The following SBF2 variants were observed in gnomAD, a reference collection of about 807,000 sequenced individuals.
SBF2 encodes myotubularin-related protein 13.
A neutral mutation model predicts 225.2 loss-of-function variants in SBF2; 112 were observed. That is an observed-to-expected ratio of 0.50 (90% CI 0.43 to 0.58). The LOEUF is 0.58. SBF2 is among the 20% of genes least tolerant of loss of function. The pLI, the probability that SBF2 is intolerant of heterozygous loss-of-function variation, is 0.00. For synonymous variants in SBF2, 763 were observed against 773.3 expected (o/e 0.99, Z 0.22); for missense variants, 1,996 against 2,206.2 (o/e 0.90, Z 1.91).
At chr11:10,079,199 T>C (rs759806145) in intron 2 of SBF2, among the ~76,000 whole-genome samples, 3 of 152,148 alleles carry the variant, frequency 2.0e-5, no homozygotes, top group Admixed American at 1.3e-4. Context: ...CGTAATTCTA[T>C]AGCGATGGAG....
rs561325055 is a variant in SBF2 at position 10,143,909 on chromosome 11, C to T, written c.141+49993G>A. Among the ~76,000 whole-genome samples the T allele has an allele frequency of 5.9e-5, 9 of 151,986 alleles. No homozygotes were observed. In the East Asian group the frequency reaches 1.4e-3, roughly 23 times the overall value. On this transcript the variant is annotated intron_variant, in intron 2 of 39. Transcript: ENST00000256190. ...ATTTTTTTTGTATTTTTAGTAGAGA[C>T]GGGGTTTCACCGCATTAGCCAGGAT...
intron 13 of SBF2, among the ~76,000 whole-genome samples, chr11:9,988,878 T>G (rs1157007288): frequency 6.6e-6 from 1 of 152,144 alleles, no homozygotes; most frequent in African/African-American, 2.4e-5. Context: ...GAATTACCAT[T>G]TGATCCAGCA....
At chr11:9,822,258 C>CTTTTT (rs1210806960) in intron 28 of SBF2, among the ~76,000 whole-genome samples, 5 of 129,412 alleles carry the variant, frequency 3.9e-5, no homozygotes, top group East Asian at 2.2e-4. Flanking sequence ...TAACTAAACT[C>CTTTTT]TTTTTTTTTT....
chr11:10,139,771 TGTCCTCATTA>T (rs1490948772), intron 2 of SBF2, among the ~76,000 whole-genome samples: 4 of 152,242 alleles, frequency 2.6e-5, no homozygotes, highest in African/African-American at 7.2e-5. Context: ...AGTAAGTTAT[TGTCCTCATTA>T]GTTTCCCTGC....
rs1564908294 is a variant in SBF2 at position 9,845,675 on chromosome 11, C to G, written c.3000G>C (p.Leu1000=). The G allele has an allele frequency of 6.2e-7, 1 of 1,613,852 alleles. No homozygotes were observed. ...PEVVEIFKKQ[L]MKFRYPQSIF... is the part of the protein sequence containing the mutation. ...TGGACTGAGGATAACGGAACTTCAT[C>G]AGCTGTTTCTTAAAGATCTCTACTA... Residue 1000 remains leucine, a synonymous_variant, in exon 24 of 40, where the codon CTG becomes CTC. Transcript: ENST00000256190.
chr11:10,283,754 G>A (rs2135566383), intron 1 of SBF2, among the ~76,000 whole-genome samples: 1 of 152,228 alleles, frequency 6.6e-6, no homozygotes, highest in South Asian at 2.1e-4. Context: ...CATATTAGAA[G>A]CTAATGATAT....
intron 35 of SBF2, chr11:9,787,965 C>A (rs1852484509): frequency 3.5e-6 from 2 of 569,388 alleles, no homozygotes; most frequent in South Asian, 4.0e-5. Flanking sequence ...TATAACTAGG[C>A]CTTTTTGTAC....
chr11:10,093,910 C>T (rs1484448820), intron 2 of SBF2, among the ~76,000 whole-genome samples: 3 of 152,120 alleles, frequency 2.0e-5, no homozygotes, highest in Non-Finnish European at 2.9e-5. Flanking sequence ...AAAGTTTAGA[C>T]AATCCCATTC....
rs756625201 is a variant in SBF2 at position 10,190,672 on chromosome 11, TC to T, written c.141+3229del. 1.0e-3 allele frequency among the ~76,000 whole-genome samples: 156 copies of T among 152,320 alleles called. 1 individual carries two copies. Among genetic ancestry groups the T allele is most frequent in the Non-Finnish European group, 1.0e-3 (69 of 68,024 alleles). ...GAACTTACATACATCAATTATGTGT[TC>T]CCTGGGAAGGAGAAGTGGCAACAGA... On this transcript the variant is annotated intron_variant, in intron 2 of 39. Coordinates refer to ENST00000256190, the MANE Select transcript of SBF2 (RefSeq NM_030962.4).
chr11:10,258,887 C>G (rs559570504), intron 1 of SBF2, among the ~76,000 whole-genome samples: 1 of 152,006 alleles, frequency 6.6e-6, no homozygotes, highest in East Asian at 1.9e-4. Flanking sequence ...ATGGAAATCA[C>G]AAAGGAGTAA....
intron 1 of SBF2, among the ~76,000 whole-genome samples, chr11:10,207,120 A>G (rs989519333): frequency 6.6e-6 from 1 of 152,150 alleles, no homozygotes; most frequent in Non-Finnish European, 1.5e-5. Flanking sequence ...TACCTACAGG[A>G]TAACACCAAT....
intron 32 of SBF2, among the ~76,000 whole-genome samples, chr11:9,804,584 C>T (rs778460942): frequency 6.6e-6 from 1 of 152,128 alleles, no homozygotes. Context: ...TTTGCTTATG[C>T]CCTTTGCATG....
chr11:9,790,803 C>G, intron 33 of SBF2, 120 bp from the exon 34 acceptor site: 1 of 762,218 alleles, frequency 1.3e-6, no homozygotes, highest in Non-Finnish European at 2.2e-6. Flanking sequence ...AAAACAGCAA[C>G]ATTTGTGTGA....
intron 16 of SBF2, among the ~76,000 whole-genome samples, chr11:9,921,064 C>CTTTTTTTTTTTTTTTTTTTTTTTTTTTT (rs34959264): frequency 1.2e-5 from 1 of 85,890 alleles, no homozygotes. Flanking sequence ...CTGAAAACTT[C>CTTTTTTTTTTTTTTTTTTTTTTTTTTTT]TTTTTTTTTT....
At chr11:10,063,559 A>G (rs1463142233) in intron 2 of SBF2, among the ~76,000 whole-genome samples, 2 of 151,582 alleles carry the variant, frequency 1.3e-5, no homozygotes, top group East Asian at 3.9e-4. Flanking sequence ...GGGTTTCATC[A>G]TGTTAGCCAG....
intron 29 of SBF2, among the ~76,000 whole-genome samples, chr11:9,814,260 T>C (rs1854343250): frequency 6.6e-6 from 1 of 152,256 alleles, no homozygotes; most frequent in Non-Finnish European, 1.5e-5. Flanking sequence ...TTTCTTTTCA[T>C]TGTGCCCAAA....
At chr11:10,146,434 C>T (rs1218192800) in intron 2 of SBF2, among the ~76,000 whole-genome samples, 1 of 151,788 alleles carries the variant, frequency 6.6e-6, no homozygotes, top group African/African-American at 2.4e-5. Context: ...TACAATCATC[C>T]AATCTTGAAC....
intron 1 of SBF2, among the ~76,000 whole-genome samples, chr11:10,258,593 C>G (rs114605018): frequency 0.015 from 2,218 of 152,238 alleles, 60 homozygotes; most frequent in African/African-American, 0.051. Flanking sequence ...TAAACTAGGA[C>G]AGTTACTAAT....
intron 13 of SBF2, among the ~76,000 whole-genome samples, chr11:9,969,442 A>T (rs902025811): frequency 1.3e-5 from 2 of 152,194 alleles, no homozygotes; most frequent in Admixed American, 6.5e-5. Context: ...AATAAAACCC[A>T]AAGTTCTTAA....
Sources: gnomAD v4.1 joint callset for allele counts (sites outside exome capture counted in the v4.1 genomes callset) on GRCh38, gnomAD v4.1.1 for gene constraint, MANE v1.5 for transcripts, NCBI Gene and HGNC (gene_info 2026-07-23, HGNC 2026-07-21) for gene names.